Variants in RAB27A observed in about 807,000 individuals in gnomAD.
RAB27A encodes ras-related protein Rab-27A.
RAB27A carries 17 observed loss-of-function variants against 20.8 expected under a neutral mutation model. The ratio of observed to expected loss-of-function variants is 0.82; its 90% confidence interval spans 0.56 to 1.23. The LOEUF (loss-of-function observed/expected upper bound fraction) is 1.23. Among genes scored for constraint, RAB27A ranks in the 50% most tolerant of loss-of-function variants. The pLI is 0.00. For missense variants in RAB27A, 277 were observed against 266.7 expected, an observed-to-expected ratio of 1.04 and a Z score of -0.27; for synonymous variants, 85 against 92.8, an observed-to-expected ratio of 0.92 and a Z score of 0.48.
chr15:55,217,969 G>A (rs563980824), intron 6 of RAB27A, among the ~76,000 whole-genome samples: 1 of 152,074 alleles, frequency 6.6e-6, no homozygotes, highest in Non-Finnish European at 1.5e-5. Flanking sequence ...TCAATGAGAG[G>A]GGCATAAGCA....
intron 1 of RAB27A, among the ~76,000 whole-genome samples, chr15:55,273,040 T>G (rs1897753014): frequency 6.6e-6 from 1 of 152,004 alleles, no homozygotes; most frequent in South Asian, 2.1e-4. Context: ...TAGAAAATAA[T>G]GAACAAAATG....
intron 1 of RAB27A, among the ~76,000 whole-genome samples, chr15:55,275,343 C>G (rs1303015216): frequency 1.3e-5 from 2 of 151,790 alleles, no homozygotes; most frequent in Non-Finnish European, 2.9e-5. Flanking sequence ...GGAAAGGCAA[C>G]TGGCCGGGCA....
At chr15:55,233,487 T>A (rs1461356628) in intron 3 of RAB27A, among the ~76,000 whole-genome samples, 1 of 152,170 alleles carries the variant, frequency 6.6e-6, no homozygotes, top group Non-Finnish European at 1.5e-5. Flanking sequence ...AATAGAATAT[T>A]ATGTAGCTAT....
At chr15:55,223,508 C>CAAAA (rs113911906) in intron 6 of RAB27A, among the ~76,000 whole-genome samples, 5 of 133,534 alleles carry the variant, frequency 3.7e-5, no homozygotes, top group African/African-American at 1.1e-4. Context: ...GACTCTGTCT[C>CAAAA]AAAAAAAAAA....
chr15:55,226,979 T>C (rs1895828811), intron 5 of RAB27A, among the ~76,000 whole-genome samples: 1 of 152,208 alleles, frequency 6.6e-6, no homozygotes, highest in Admixed American at 6.5e-5. Flanking sequence ...TTATTCCTAA[T>C]TAAGATTTGA....
intron 2 of RAB27A, among the ~76,000 whole-genome samples, chr15:55,253,780 T>A (rs1050067583): frequency 6.6e-6 from 1 of 150,718 alleles, no homozygotes; most frequent in Non-Finnish European, 1.5e-5. Flanking sequence ...CAATACAGAT[T>A]TACTAACACA....
chr15:55,209,739 T>TAC (rs1176809064), intron 6 of RAB27A, among the ~76,000 whole-genome samples: 1 of 147,548 alleles, frequency 6.8e-6, no homozygotes, highest in Non-Finnish European at 1.5e-5. Context: ...CACATATATA[T>TAC]ACACATATAT....
At chr15:55,257,076 A>G (rs564915514) in intron 2 of RAB27A, among the ~76,000 whole-genome samples, 1 of 152,328 alleles carries the variant, frequency 6.6e-6, no homozygotes, top group East Asian at 1.9e-4. Context: ...GAGAACACCA[A>G]AGAATAAAGC....
intron 2 of RAB27A, among the ~76,000 whole-genome samples, chr15:55,302,472 T>C (rs1372617852): frequency 6.6e-6 from 1 of 152,092 alleles, no homozygotes; most frequent in Non-Finnish European, 1.5e-5. Context: ...AGTGCCGAGA[T>C]GGCAGCCTCT....
intron 1 of RAB27A, among the ~76,000 whole-genome samples, chr15:55,276,511 A>G (rs892803997): frequency 2.0e-5 from 3 of 152,192 alleles, no homozygotes; most frequent in African/African-American, 4.8e-5. Context: ...TCAAGGCTGC[A>G]GTGAGCTATG....
At chr15:55,247,045 G>T (rs941658424) in intron 2 of RAB27A, among the ~76,000 whole-genome samples, 2 of 152,130 alleles carry the variant, frequency 1.3e-5, no homozygotes, top group Admixed American at 6.5e-5. Context: ...GCTTAAACCA[G>T]GCTTGAGCAC....
intron 2 of RAB27A, among the ~76,000 whole-genome samples, chr15:55,303,513 A>G (rs2054983451): frequency 2.4e-5 from 1 of 41,162 alleles, no homozygotes; most frequent in Non-Finnish European, 4.0e-5. Context: ...CCTACTGGGA[A>G]GTGAGGAGCC....
At chr15:55,218,862 C>A (rs1475149516) in intron 6 of RAB27A, among the ~76,000 whole-genome samples, 1 of 152,044 alleles carries the variant, frequency 6.6e-6, no homozygotes, top group Non-Finnish European at 1.5e-5. Context: ...CCTGCCTCAG[C>A]CTCCCAAGTA....
At chr15:55,212,143 A>T (rs1252982269) in intron 6 of RAB27A, among the ~76,000 whole-genome samples, 2 of 152,172 alleles carry the variant, frequency 1.3e-5, no homozygotes, top group Non-Finnish European at 2.9e-5. Context: ...TCTTACATAC[A>T]TGATTCACTA....
intron 2 of RAB27A, among the ~76,000 whole-genome samples, chr15:55,304,759 C>A (rs2054990308): frequency 6.6e-6 from 1 of 152,144 alleles, no homozygotes; most frequent in Non-Finnish European, 1.5e-5. Flanking sequence ...AGTTAATGGA[C>A]ACTTGGGTTT....
chr15:55,220,260 TTTG>T (rs1441899879), intron 6 of RAB27A, among the ~76,000 whole-genome samples: 7 of 117,380 alleles, frequency 6.0e-5, no homozygotes, highest in African/African-American at 2.5e-4. Context: ...TTTGTTTGTT[TTTG>T]TTTGTTTGTT....
chr15:55,299,316 G>A (rs536323122), intron 2 of RAB27A, among the ~76,000 whole-genome samples: 24 of 152,292 alleles, frequency 1.6e-4, no homozygotes, highest in African/African-American at 4.6e-4. Context: ...CAACAGGGCC[G>A]GCCACGGTGC....
At chr15:55,251,822 T>C (rs1467726935) in intron 2 of RAB27A, among the ~76,000 whole-genome samples, 1 of 152,228 alleles carries the variant, frequency 6.6e-6, no homozygotes, top group Non-Finnish European at 1.5e-5. Flanking sequence ...AAGAAATTTC[T>C]AGTATTAGGC....
chr15:55,235,484 A>G (rs571649303), intron 2 of RAB27A, among the ~76,000 whole-genome samples: 1 of 151,982 alleles, frequency 6.6e-6, no homozygotes, highest in Non-Finnish European at 1.5e-5. Flanking sequence ...AAATAAAAAT[A>G]AAAACATACA....
Sources: allele counts gnomAD v4.1 joint callset (sites outside exome capture counted in the v4.1 genomes callset), GRCh38; gene constraint gnomAD v4.1.1; transcripts MANE v1.5; gene names NCBI Gene and HGNC (gene_info 2026-07-23, HGNC 2026-07-21).